The following COL1A2 variants were observed in gnomAD, a reference collection of about 807,000 sequenced individuals.
COL1A2 encodes the protein collagen alpha-2(I) chain.
A neutral mutation model predicts 174.3 loss-of-function variants in COL1A2; 49 were observed. That is an observed-to-expected ratio of 0.28 (90% CI 0.22 to 0.36). The LOEUF (loss-of-function observed/expected upper bound fraction) is 0.36. Ranked by LOEUF, COL1A2 falls within the 10% of genes least tolerant of loss-of-function variation. The pLI, the probability that COL1A2 is intolerant of heterozygous loss-of-function variation, is 1.00. For missense variants in COL1A2, 1,438 were observed against 1,822.7 expected (o/e 0.79, Z 3.84); for synonymous variants, 655 against 606.6 (o/e 1.08, Z -1.17).
At chr7:94,421,820 C>A in intron 38 of COL1A2, 79 bp from the exon 39 acceptor site, 4 of 1,393,746 alleles carry the variant, frequency 2.9e-6, no homozygotes, top group Non-Finnish European at 3.0e-6. Context: ...ACTGATTTTC[C>A]AAAACAAAGA....
At chr7:94,420,086 C>T in intron 34 of COL1A2, 147 bp from the exon 35 acceptor site, 1 of 1,086,730 alleles carries the variant, frequency 9.2e-7, no homozygotes, top group African/African-American at 1.5e-5. Context: ...TAAAAATCCA[C>T]TTCATTTTAC....
chr7:94,409,250 T>A, intron 16 of COL1A2, 72 bp from the exon 17 acceptor site: 1 of 1,289,322 alleles, frequency 7.8e-7, no homozygotes. Context: ...TTCATAAAAC[T>A]TGGCATCTTA....
rs777501717 is a variant in COL1A2, at chr7:94,428,442, G to T, written c.3676G>T (p.Val1226Phe). 1.9e-6 allele frequency: 3 copies of T among 1,614,064 alleles called. No homozygotes were observed. Among genetic ancestry groups the T allele is most frequent in the Non-Finnish European group, 2.5e-6 (3 of 1,179,996 alleles). Residue 1226 changes from valine (V) to phenylalanine (F), a missense_variant, in exon 50 of 52, where the codon GTC becomes TTC. Transcript: ENST00000297268. ...WYRSSKDKKH[V>F]WLGETINAGS... ...TAGGAGCTCCAAGGACAAGAAACAC[G>T]TCTGGCTAGGAGAAACTATCAATGC...
At chr7:94,420,852 A>G in intron 37 of COL1A2, 157 bp from the exon 38 acceptor site, 1 of 891,574 alleles carries the variant, frequency 1.1e-6, no homozygotes, top group African/African-American at 1.7e-5. Context: ...TGATAACCTC[A>G]TAAGGGTGGT....
intron 40 of COL1A2, 141 bp downstream of exon 40, chr7:94,423,259 C>A: frequency 2.1e-6 from 2 of 969,766 alleles, no homozygotes; most frequent in Non-Finnish European, 3.2e-6. Context: ...GGAAATCTGT[C>A]CAGCACACAC....
At chr7:94,411,426 T>A (rs1469851325) in intron 23 of COL1A2, among the ~76,000 whole-genome samples, 2 of 152,228 alleles carry the variant, frequency 1.3e-5, no homozygotes, top group Non-Finnish European at 2.9e-5. Context: ...TTGGTCCTCC[T>A]ATCAGCATGA....
intron 50 of COL1A2, 80 bp from the exon 51 acceptor site, chr7:94,429,108 C>CTTTTTTTTTTTTTTTTTT: frequency 4.9e-6 from 4 of 815,864 alleles, no homozygotes; most frequent in East Asian, 6.0e-5. Flanking sequence ...CTTTTTTTTT[C>CTTTTTTTTTTTTTTTTTT]TTTTTTTTTT....
At position 94,417,817 on chromosome 7, in the gene COL1A2, G is replaced by A; in HGVS notation, c.1957G>A (p.Gly653Ser). 6.2e-7 allele frequency: 1 copy of A among 1,600,306 alleles called. No individual in the cohort carries two copies. The highest frequency in any genetic ancestry group is 8.5e-7 in the Non-Finnish European group (1 of 1,173,128). The change falls in exon 32 of 52, where the codon GGC (glycine) becomes AGC (serine). Residue 653 changes from glycine (G) to serine (S), a missense_variant. By Grantham distance (56) the Gly-to-Ser change is moderately conservative. Transcript: ENST00000297268. ...GERGAAGIPGGKGEKGEPGLR... is the reference protein window; with the variant it reads ...GERGAAGIPGSKGEKGEPGLR... ...GAGGGGTGCTGCTGGCATACCTGGAGGCAAGGGAGAAAAGGTACGTGTTGA... is the reference window on the plus strand; with the variant it reads ...GAGGGGTGCTGCTGGCATACCTGGAAGCAAGGGAGAAAAGGTACGTGTTGA...
At chr7:94,419,786 A>C (rs1023050543) in intron 34 of COL1A2, among the ~76,000 whole-genome samples, 2 of 152,156 alleles carry the variant, frequency 1.3e-5, no homozygotes, top group Admixed American at 1.3e-4. Context: ...ATTTGTTTTA[A>C]AGTCTCTCCA....
intron 1 of COL1A2, chr7:94,395,581 C>T (rs762098837): frequency 1.3e-4 from 34 of 266,020 alleles, no homozygotes; most frequent in Admixed American, 1.0e-4. Flanking sequence ...AAGGCTTGTC[C>T]GGAGGAGGAG....
chr7:94,412,788 TTTCAA>T, intron 25 of COL1A2, 106 bp downstream of exon 25: 1 of 1,008,860 alleles, frequency 9.9e-7, no homozygotes, highest in Non-Finnish European at 1.5e-6. Flanking sequence ...GGGAGTTTCC[TTTCAA>T]CACAGGAAAA....
At chr7:94,422,178 A>G in intron 39 of COL1A2, 2 of 408,868 alleles carry the variant, frequency 4.9e-6, no homozygotes, top group Admixed American at 4.0e-5. Context: ...GTCCCCTTTC[A>G]GGGGCATGGT....
At chr7:94,421,214 G>A in intron 38 of COL1A2, 152 bp downstream of exon 38, 1 of 777,216 alleles carries the variant, frequency 1.3e-6, no homozygotes, top group Non-Finnish European at 2.2e-6. Context: ...CGATATTGAT[G>A]TTAACTTGAA....
In COL1A2 at chr7:94,417,775, A is replaced by G. The variant is rs766541995; in HGVS notation, c.1915A>G (p.Ser639Gly). 5.0e-6 allele frequency: 8 copies of G among 1,605,042 alleles called. No homozygotes were observed. The East Asian group carries it at 1.6e-4, about 31-fold the overall frequency. The change falls in exon 32 of 52, where the codon AGT becomes GGT. Residue 639 changes from serine to glycine, a missense_variant. Transcript: ENST00000297268. ...AVGTAGPSGP[S>G]GLPGERGAAG... ...GGGCACTGCTGGTCCATCTGGTCCT[A>G]GTGGACTCCCAGGAGAGAGGGGTGC...
intron 13 of COL1A2, 112 bp from the exon 14 acceptor site, chr7:94,408,071 A>C: frequency 7.8e-7 from 1 of 1,289,816 alleles, no homozygotes; most frequent in Non-Finnish European, 1.1e-6. Flanking sequence ...AAGGCAACTT[A>C]TTTATTTTTA....
intron 39 of COL1A2, among the ~76,000 whole-genome samples, chr7:94,422,252 C>T (rs1198473541): frequency 1.3e-5 from 2 of 150,560 alleles, no homozygotes; most frequent in Non-Finnish European, 3.0e-5. Context: ...ATTTCTATAT[C>T]TAATTATCCT....
At position 94,404,841 on chromosome 7, in the gene COL1A2, T is replaced by G; in HGVS notation, c.381T>G (p.Gly127=). 6.2e-7 allele frequency: 1 copy of G among 1,614,120 alleles called. No individual in the cohort carries two copies. Among genetic ancestry groups the G allele is most frequent in the Non-Finnish European group, 8.5e-7 (1 of 1,180,004 alleles). Residue 127 remains glycine (G), a splice_region_variant and synonymous_variant, in exon 9 of 52, where the codon GGT becomes GGG. Transcript: ENST00000297268. ...TGATGGGTCTCCCATTTTCTTAGGG[T>G]CCTGCAGGTGCTCGTGGTCCAGCTG... ...AGEPGEPGQT[G]PAGARGPAGP...
intron 6 of COL1A2, among the ~76,000 whole-genome samples, chr7:94,404,056 G>A (rs189401862): frequency 6.6e-6 from 1 of 152,240 alleles, no homozygotes; most frequent in African/African-American, 2.4e-5. Context: ...CCTTAGAGGA[G>A]CGATAAGGTT....
chr7:94,402,372 C>CA (rs769807582), intron 6 of COL1A2, among the ~76,000 whole-genome samples: 4 of 151,666 alleles, frequency 2.6e-5, no homozygotes, highest in East Asian at 1.9e-4. Context: ...GAATTTTGAC[C>CA]AAAAAAATCC....
Sources: allele counts gnomAD v4.1 joint callset (sites outside exome capture counted in the v4.1 genomes callset), GRCh38; gene constraint gnomAD v4.1.1; transcripts MANE v1.5; gene names NCBI Gene and HGNC (gene_info 2026-07-23, HGNC 2026-07-21).